EIF2S3B: variants seen among roughly 807,000 people sequenced by gnomAD.
EIF2S3B encodes eukaryotic translation initiation factor 2 subunit 3B.
A neutral mutation model predicts 26.4 loss-of-function variants in EIF2S3B; 16 were observed. The observed-to-expected ratio is 0.61, with a 90% CI of 0.41 to 0.92. The LOEUF (loss-of-function observed/expected upper bound fraction) is 0.92. EIF2S3B is among the 40% of genes least tolerant of loss of function. The pLI is 0.00. For synonymous variants in EIF2S3B, 183 were observed against 204.4 expected (o/e 0.90, Z 0.89); for missense variants, 510 against 575.5 (o/e 0.89, Z 1.16).
Position 10,505,965 on chromosome 12 carries a change from C to T in EIF2S3B, c.63C>T (p.Thr21=). Reference sequence around the variant, plus strand: ...CGCACCTTTCGCGTCAGGATCTCACCACCTTGGATGTTACCAAGTTGACGC... The same window carrying T: ...CGCACCTTTCGCGTCAGGATCTCACTACCTTGGATGTTACCAAGTTGACGC... ...GQPHLSRQDL[T]TLDVTKLTPL... The change falls in exon 1 of 1, where the codon ACC becomes ACT. Residue 21 remains threonine, a synonymous_variant. Coordinates refer to ENST00000538173, the MANE Select transcript of EIF2S3B (RefSeq NM_001357734.3). The T allele has an allele frequency of 6.2e-7, 1 of 1,605,210 alleles. No homozygotes were observed.
At position 10,507,145 on chromosome 12, in the gene EIF2S3B, G is replaced by C; in HGVS notation, c.1243G>C (p.Gly415Arg). The change falls in exon 1 of 1, where the codon GGG becomes CGG. Residue 415 changes from glycine (G) to arginine (R), a missense_variant. Physicochemically the swap from Gly to Arg is moderately radical, Grantham distance 125 (BLOSUM62 -2). Coordinates refer to ENST00000538173, the MANE Select transcript of EIF2S3B (RefSeq NM_001357734.3). ...GAACATAGGATCCCTGTCGACAGGA[G>C]GGAGAGTTAGTGCTGTCAAGGCCGA... Reference protein sequence around the residue: ...MVNIGSLSTGGRVSAVKADLG... With the variant: ...MVNIGSLSTGRRVSAVKADLG... 1 of 1,613,846 alleles carries C rather than the reference G, an allele frequency of 6.2e-7. No individual in the cohort carries two copies. The highest frequency in any genetic ancestry group is 8.5e-7 in the Non-Finnish European group (1 of 1,179,720).
Position 10,505,895 on chromosome 12 carries a change from T to C in EIF2S3B, c.-8T>C, listed in dbSNP as rs762651863. 6.3e-7 allele frequency: 1 copy of C among 1,592,590 alleles called. No homozygotes were observed. The highest frequency in any genetic ancestry group is 1.7e-5 in the Admixed American group (1 of 59,996). ...CAGCCGGGGTGACTTTCTTCCTCTT[T>C]TGGCAACATGGCGGGCGGAGAAGCT... is the stretch of plus-strand genomic sequence containing the variant. On this transcript the variant is annotated 5_prime_UTR_variant, in exon 1 of 1. Transcript: ENST00000538173.
chr12:10,523,037 T>C (rs1864849588), exon 2 of EIF2S3B: 1 of 154,912 alleles, frequency 6.5e-6, no homozygotes, highest in South Asian at 2.0e-4. Context: ...TCAAAATATG[T>C]TAAATATAAA....
chr12:10,518,350 G>T (rs909249641), intron 1 of EIF2S3B, among the ~76,000 whole-genome samples: 2 of 152,138 alleles, frequency 1.3e-5, no homozygotes, highest in Non-Finnish European at 2.9e-5. Context: ...TTTACCATTA[G>T]GTAATGGCCT....
At position 10,506,905 on chromosome 12, in the gene EIF2S3B, G is replaced by T. The variant is rs763479761; in HGVS notation, c.1003G>T (p.Gly335Cys). 1.2e-6 allele frequency: 2 copies of T among 1,613,672 alleles called. No individual in the cohort carries two copies. ...HNDLQYAAPG[G>C]LIGVGTKIDP... Reference sequence around the variant, plus strand: ...TGATCTGCAATATGCTGCTCCAGGCGGTCTTATTGGAGTTGGAACAAAAAT... The same window carrying T: ...TGATCTGCAATATGCTGCTCCAGGCTGTCTTATTGGAGTTGGAACAAAAAT... Residue 335 changes from glycine to cysteine, a missense_variant, in exon 1 of 1, where the codon GGT becomes TGT. Gly to Cys is a radical substitution (Grantham distance 159, BLOSUM62 -3). Transcript: ENST00000538173.
chr12:10,510,711 G>A (rs115407766), downstream of EIF2S3B, among the ~76,000 whole-genome samples: 976 of 152,238 alleles, frequency 6.4e-3, 10 homozygotes, highest in African/African-American at 0.022. Flanking sequence ...ATTCTTCAGG[G>A]AAAAATACTG....
chr12:10,521,434 A>G (rs960202700), intron 1 of EIF2S3B, among the ~76,000 whole-genome samples: 3 of 152,122 alleles, frequency 2.0e-5, no homozygotes, highest in Admixed American at 2.0e-4. Flanking sequence ...CAAAGCATAT[A>G]ATATTTGATA....
downstream of EIF2S3B, among the ~76,000 whole-genome samples, chr12:10,510,808 C>G (rs1445109149): frequency 2.0e-5 from 3 of 152,072 alleles, no homozygotes; most frequent in Non-Finnish European, 4.4e-5. Context: ...ACAAACTGCA[C>G]CAATATGGAG....
At chr12:10,515,143 G>C (rs73070535) in intron 1 of EIF2S3B, among the ~76,000 whole-genome samples, 17,049 of 151,624 alleles carry the variant, frequency 0.11, 1,187 homozygotes, top group Non-Finnish European at 0.17. Context: ...ATCTACATTA[G>C]TCTTGTTTAC....
At chr12:10,514,104 T>A (rs988534742) in intron 1 of EIF2S3B, among the ~76,000 whole-genome samples, 1 of 152,172 alleles carries the variant, frequency 6.6e-6, no homozygotes, top group African/African-American at 2.4e-5. Context: ...AGCCATAATT[T>A]AAAAAATAAT....
chr12:10,518,237 G>C (rs1864786956), intron 1 of EIF2S3B, among the ~76,000 whole-genome samples: 1 of 152,106 alleles, frequency 6.6e-6, no homozygotes, highest in Admixed American at 6.6e-5. Flanking sequence ...TATTGTGTGG[G>C]AGTCTAAGTC....
At position 10,519,045 on chromosome 12, in the gene EIF2S3B, C is replaced by T. The variant is rs56774260; in HGVS notation, c.1309-3558C>T. Among the ~76,000 whole-genome samples, 1,030 of 149,216 alleles carry T rather than the reference C, an allele frequency of 6.9e-3. 8 individuals carry two copies. Among genetic ancestry groups the T allele is most frequent in the African/African-American group, 0.023 (963 of 41,190 alleles). On this transcript the variant is annotated intron_variant, in intron 1 of 1. Coordinates refer to the EIF2S3B transcript ENST00000322446. ...TATGGAACCAAAAAAGAGCCCACAT[C>T]GCCAAGTCAATCCTAAGCCAAAAGA...
chr12:10,519,120 T>A (rs1212074649), intron 1 of EIF2S3B, among the ~76,000 whole-genome samples: 1 of 152,016 alleles, frequency 6.6e-6, no homozygotes, highest in Non-Finnish European at 1.5e-5. Flanking sequence ...ACTACAAGGC[T>A]ACAGTAACCA....
chr12:10,511,178 T>C (rs1752469764), downstream of EIF2S3B, among the ~76,000 whole-genome samples: 5 of 151,990 alleles, frequency 3.3e-5, no homozygotes, highest in South Asian at 1.0e-3. Context: ...GGAGTGATCT[T>C]TAACTCTAGA....
chr12:10,522,301 C>CTCCA (rs1864840306), intron 1 of EIF2S3B, among the ~76,000 whole-genome samples: 1 of 152,056 alleles, frequency 6.6e-6, no homozygotes, highest in Admixed American at 6.6e-5. Context: ...TGCCAGTGCA[C>CTCCA]TCCAGCATTA....
rs1382717606 is a variant in EIF2S3B at position 10,506,520 on chromosome 12, G to A, written c.618G>A (p.Gln206=). The A allele has an allele frequency of 8.8e-6, 14 of 1,596,576 alleles. No individual in the cohort carries two copies. The highest frequency in any genetic ancestry group is 1.1e-5 in the Non-Finnish European group (13 of 1,163,978). The change falls in exon 1 of 1, where the codon CAG becomes CAA. Residue 206 remains glutamine (Q), a synonymous_variant. Coordinates refer to ENST00000538173, the MANE Select transcript of EIF2S3B (RefSeq NM_001357734.3). ...GGCAGGCTAAAGAACAATACGAGCA[G>A]ATCCTTGCGTTTGTCCAAGGTACAG... The part of the protein sequence containing the change: ...KERQAKEQYE[Q]ILAFVQGTVA...
chr12:10,508,545 A>G (rs1044229624), downstream of EIF2S3B, among the ~76,000 whole-genome samples: 3 of 148,824 alleles, frequency 2.0e-5, no homozygotes, highest in African/African-American at 7.6e-5. Context: ...AAAAAAAAAA[A>G]AAAAGAAAAT....
chr12:10,513,860 C>A (rs1864728903), intron 1 of EIF2S3B, among the ~76,000 whole-genome samples: 1 of 152,056 alleles, frequency 6.6e-6, no homozygotes. Context: ...ACTAAAAATA[C>A]AAAAATTAGC....
chr12:10,507,271 G>C lies in EIF2S3B; in HGVS notation c.1369G>C (p.Gly457Arg). The C allele has an allele frequency of 6.2e-7, 1 of 1,613,630 alleles. No individual in the cohort carries two copies. The highest frequency in any genetic ancestry group is 8.5e-7 in the Non-Finnish European group (1 of 1,179,568). The part of the protein sequence containing the change: ...VEKHWRLIGW[G>R]QIRRGVTIKP... ...AAAACACTGGCGTTTAATTGGTTGG[G>C]GTCAGATAAGAAGAGGAGTGACAAT... The change falls in exon 1 of 1, where the codon GGT (glycine) becomes CGT (arginine). Residue 457 changes from glycine to arginine, a missense_variant. Gly to Arg is a moderately radical substitution (Grantham distance 125). Coordinates refer to ENST00000538173, the MANE Select transcript of EIF2S3B (RefSeq NM_001357734.3).
Sources: gnomAD v4.1 joint callset for allele counts (sites outside exome capture counted in the v4.1 genomes callset) on GRCh38, gnomAD v4.1.1 for gene constraint, MANE v1.5 for transcripts, NCBI Gene and HGNC (gene_info 2026-07-23, HGNC 2026-07-21) for gene names.